Variants in CRTAC1 observed in about 807,000 individuals in gnomAD.
The protein encoded by CRTAC1 is acidic secreted protein in cartilage.
A neutral mutation model predicts 67.8 loss-of-function variants in CRTAC1; 37 were observed. The observed-to-expected ratio is 0.55, with a 90% CI of 0.42 to 0.72. The LOEUF (loss-of-function observed/expected upper bound fraction) is 0.72. CRTAC1 is among the 30% of genes least tolerant of loss of function. The probability of loss-of-function intolerance (pLI) is 0.00; values close to 1 mark genes in which losing one functional copy is unlikely to be tolerated. For missense variants in CRTAC1, 780 were observed against 931.6 expected, an observed-to-expected ratio of 0.84 and a Z score of 2.12; for synonymous variants, 348 against 371.0, an observed-to-expected ratio of 0.94 and a Z score of 0.71.
At position 97,865,676 on chromosome 10, in the gene CRTAC1, G is replaced by T. The variant is rs752391572; in HGVS notation, c.1858C>A (p.Pro620Thr). ...GCGGCAGTGGCAGCAGCAGCGGTGG[G>T]GGTGGTGGGGCGGGGGCCCGGTGAC... ...GQSPGPRPTTPTAAAATAAAA... is the reference protein window; with the variant it reads ...GQSPGPRPTTTTAAAATAAAA... The change falls in exon 15 of 15, where the codon CCC becomes ACC. Residue 620 changes from proline (P) to threonine (T), a missense_variant. By Grantham distance (38) the Pro-to-Thr change is conservative. Transcript: ENST00000370597. The T allele has an allele frequency of 1.9e-6, 3 of 1,608,608 alleles. No homozygotes were observed. The highest frequency in any genetic ancestry group is 1.1e-5 in the South Asian group (1 of 90,342).
chr10:97,915,603 T>G (rs1463716705), intron 5 of CRTAC1, among the ~76,000 whole-genome samples: 1 of 151,774 alleles, frequency 6.6e-6, no homozygotes, highest in Non-Finnish European at 1.5e-5. Context: ...GGCCCTTACA[T>G]TTGGGGTCCA....
rs146799069 is a variant in CRTAC1, at chr10:97,938,163, T to C, written c.225-1797A>G. Reference sequence around the variant, plus strand: ...GAAGGTCATGCCTTAGACACCTTGATGAAGAGTGTCTGAGGGCTGCATGTC... The same window carrying C: ...GAAGGTCATGCCTTAGACACCTTGACGAAGAGTGTCTGAGGGCTGCATGTC... On this transcript the variant is annotated intron_variant, in intron 2 of 14. Coordinates refer to ENST00000370597, the MANE Select transcript of CRTAC1 (RefSeq NM_018058.7). Among the ~76,000 whole-genome samples, 626 of 152,190 alleles carry C rather than the reference T, an allele frequency of 4.1e-3. 3 individuals carry two copies. The highest frequency in any genetic ancestry group is 0.014 in the African/African-American group (566 of 41,508).
intron 2 of CRTAC1, among the ~76,000 whole-genome samples, chr10:97,970,719 A>T (rs568414114): frequency 6.6e-6 from 1 of 152,244 alleles, no homozygotes; most frequent in East Asian, 1.9e-4. Flanking sequence ...CTTTTGTAAC[A>T]TCTTTCTCCC....
chr10:98,025,879 A>G (rs7922066), intron 1 of CRTAC1, among the ~76,000 whole-genome samples: 39,959 of 152,140 alleles, frequency 0.26, 6,638 homozygotes, highest in African/African-American at 0.47. Flanking sequence ...CCTGGGACCC[A>G]TAAAATTTCT....
At chr10:97,993,871 T>A (rs143016977) in intron 2 of CRTAC1, among the ~76,000 whole-genome samples, 2 of 152,298 alleles carry the variant, frequency 1.3e-5, no homozygotes, top group African/African-American at 4.8e-5. Flanking sequence ...ACTCTTTTTT[T>A]TTGAGACAGA....
At chr10:97,939,941 T>C (rs112124251) in intron 2 of CRTAC1, among the ~76,000 whole-genome samples, 1 of 152,200 alleles carries the variant, frequency 6.6e-6, no homozygotes, top group African/African-American at 2.4e-5. Context: ...CATTAAAACA[T>C]GTGCTTCTTG....
At position 97,960,941 on chromosome 10, in the gene CRTAC1, G is replaced by T. The variant is rs12249590; in HGVS notation, c.225-24575C>A. ...TGTCCTAAAAATGTATAAGCCATTTGTTTGAACTCACTGTTCTTTAATTTT... is the reference window on the plus strand; with the variant it reads ...TGTCCTAAAAATGTATAAGCCATTTTTTTGAACTCACTGTTCTTTAATTTT... On this transcript the variant is annotated intron_variant, in intron 2 of 14. Transcript: ENST00000370597. Among the ~76,000 whole-genome samples the T allele has an allele frequency of 7.2e-3, 1,091 of 152,252 alleles. 9 individuals carry two copies. Among genetic ancestry groups the T allele is most frequent in the African/African-American group, 0.024 (978 of 41,546 alleles).
chr10:97,881,998 C>T (rs952176025), intron 13 of CRTAC1, among the ~76,000 whole-genome samples: 4 of 152,196 alleles, frequency 2.6e-5, no homozygotes, highest in African/African-American at 4.8e-5. Flanking sequence ...ACTGTGTGGT[C>T]GACAGCTGTT....
chr10:97,882,756 C>G, intron 13 of CRTAC1, 30 bp downstream of exon 13: 3 of 1,612,996 alleles, frequency 1.9e-6, no homozygotes, highest in Non-Finnish European at 2.5e-6. Flanking sequence ...CGGCCTCTAC[C>G]CCATGCCCTG....
chr10:97,874,043 T>C (rs1255919822), intron 14 of CRTAC1, among the ~76,000 whole-genome samples: 2 of 152,208 alleles, frequency 1.3e-5, no homozygotes, highest in African/African-American at 2.4e-5. Context: ...GTTCATACAC[T>C]TGGGCTTCTG....
intron 2 of CRTAC1, among the ~76,000 whole-genome samples, chr10:97,995,693 T>C (rs1166435684): frequency 3.9e-5 from 6 of 152,154 alleles, no homozygotes; most frequent in African/African-American, 1.2e-4. Context: ...GAATGGTAAA[T>C]ACATGGAAAT....
intron 5 of CRTAC1, among the ~76,000 whole-genome samples, chr10:97,916,256 C>A (rs981954673): frequency 6.6e-6 from 1 of 152,112 alleles, no homozygotes; most frequent in African/African-American, 2.4e-5. Flanking sequence ...CTGTACAAAT[C>A]TAGGCTGAAG....
chr10:97,989,386 C>A (rs939517897), intron 2 of CRTAC1, among the ~76,000 whole-genome samples: 3 of 152,134 alleles, frequency 2.0e-5, no homozygotes, highest in Non-Finnish European at 4.4e-5. Context: ...CTTACACAAA[C>A]CTAGTCTTAC....
intron 1 of CRTAC1, among the ~76,000 whole-genome samples, chr10:98,018,199 CAAAAA>C (rs71007373): frequency 4.1e-5 from 2 of 48,652 alleles, no homozygotes; most frequent in Non-Finnish European, 6.7e-5. Context: ...AAGATGCCCG[CAAAAA>C]AAAAAAAAAA....
intron 7 of CRTAC1, among the ~76,000 whole-genome samples, chr10:97,904,390 G>C (rs570415887): frequency 1.1e-4 from 16 of 152,210 alleles, no homozygotes; most frequent in African/African-American, 3.6e-4. Context: ...GGAGGAGTGA[G>C]GGAGAGGCCC....
rs148823402 is a variant in CRTAC1 at position 97,922,411 on chromosome 10, C to T, written c.558+853G>A. 1.4e-3 allele frequency among the ~76,000 whole-genome samples: 215 copies of T among 152,366 alleles called. 2 individuals carry two copies. Among genetic ancestry groups the T allele is most frequent in the African/African-American group, 4.9e-3 (203 of 41,580 alleles). On this transcript the variant is annotated intron_variant, in intron 4 of 14. Coordinates refer to ENST00000370597, the MANE Select transcript of CRTAC1 (RefSeq NM_018058.7). ...CATCTCAATCCCAAAGTGAGCCAAACCTCTTGCCCCTGCCCCCAGAATGGG... is the reference window on the plus strand; with the variant it reads ...CATCTCAATCCCAAAGTGAGCCAAATCTCTTGCCCCTGCCCCCAGAATGGG...
At chr10:97,918,347 A>G (rs1207187813) in intron 4 of CRTAC1, among the ~76,000 whole-genome samples, 1 of 152,154 alleles carries the variant, frequency 6.6e-6, no homozygotes, top group Non-Finnish European at 1.5e-5. Flanking sequence ...TGCAAGAGTC[A>G]TTCTCTTCTC....
intron 2 of CRTAC1, among the ~76,000 whole-genome samples, chr10:97,972,705 A>C (rs1487488936): frequency 6.6e-6 from 1 of 152,268 alleles, no homozygotes; most frequent in Admixed American, 6.5e-5. Flanking sequence ...TAAATTATAG[A>C]ATATCCACAT....
chr10:98,016,682 A>C (rs1843005359), intron 1 of CRTAC1, among the ~76,000 whole-genome samples: 1 of 152,086 alleles, frequency 6.6e-6, no homozygotes, highest in Non-Finnish European at 1.5e-5. Context: ...TGGGAGTTTG[A>C]GTGCTGTGTA....
Sources: allele counts gnomAD v4.1 joint callset (sites outside exome capture counted in the v4.1 genomes callset), GRCh38; gene constraint gnomAD v4.1.1; transcripts MANE v1.5; gene names NCBI Gene and HGNC (gene_info 2026-07-23, HGNC 2026-07-21).